FAM234B: variants seen among roughly 807,000 people sequenced by gnomAD.
FAM234B encodes protein FAM234B.
Under a neutral mutation model 69.3 loss-of-function variants are expected in FAM234B, and 33 were observed. The ratio of observed to expected loss-of-function variants is 0.48; its 90% CI spans 0.36 to 0.64. FAM234B has a LOEUF of 0.64. Ranked by LOEUF, FAM234B falls within the 30% of genes least tolerant of loss-of-function variation. The pLI is 0.00. For synonymous variants in FAM234B, 306 were observed against 306.9 expected, an observed-to-expected ratio of 1.00 and a Z score of 0.03; for missense variants, 697 against 769.7, an observed-to-expected ratio of 0.91 and a Z score of 1.12.
At chr12:13,080,141 AC>A in intron 12 of FAM234B, 132 bp downstream of exon 12, 1 of 648,876 alleles carries the variant, frequency 1.5e-6, no homozygotes, top group Non-Finnish European at 2.6e-6. Flanking sequence ...GTTGTTTTGG[AC>A]CAACACTGTT....
chr12:13,073,817 G>T (rs1209788103), intron 10 of FAM234B, among the ~76,000 whole-genome samples: 1 of 152,154 alleles, frequency 6.6e-6, no homozygotes, highest in African/African-American at 2.4e-5. Context: ...TTCAGTTAGG[G>T]CATGAACAAG....
At position 13,055,686 on chromosome 12, in the gene FAM234B, C is replaced by T. The variant is rs1864920731; in HGVS notation, c.173C>T (p.Pro58Leu). The T allele has an allele frequency of 6.2e-7, 1 of 1,614,210 alleles. No individual in the cohort carries two copies. Among genetic ancestry groups the T allele is most frequent in the Non-Finnish European group, 8.5e-7 (1 of 1,180,034 alleles). Residue 58 changes from proline (P) to leucine (L), a missense_variant, in exon 2 of 13, where the codon CCA (proline) becomes CTA (leucine). Around this residue, in one of 3 missense-constraint regions of FAM234B, gnomAD observed 380 missense variants for 447.1 expected, o/e 0.85. Transcript: ENST00000197268. ...GGGAAGAGTCCTTTGGGAGAAGCGC[C>T]AGAACCCGACTCAGATGCTGAGGTT... ...KNGKSPLGEA[P>L]EPDSDAEVAE...
chr12:13,063,684 A>G (rs768636102), intron 5 of FAM234B, among the ~76,000 whole-genome samples: 1 of 152,198 alleles, frequency 6.6e-6, no homozygotes, highest in African/African-American at 2.4e-5. Context: ...CTTTCCCCCA[A>G]ATCACAGGAA....
At chr12:13,076,176 G>T (rs564192851) in intron 11 of FAM234B, 33 bp downstream of exon 11, 1 of 1,453,664 alleles carries the variant, frequency 6.9e-7, no homozygotes, top group South Asian at 1.1e-5. Context: ...GTCTGTGTAC[G>T]CAGATGGTGG....
intron 5 of FAM234B, among the ~76,000 whole-genome samples, chr12:13,065,662 C>G (rs1375656648): frequency 6.6e-6 from 1 of 151,558 alleles, no homozygotes; most frequent in East Asian, 1.9e-4. Flanking sequence ...TTGTCATATG[C>G]CATATTAGCT....
intron 1 of FAM234B, 109 bp from the exon 2 acceptor site, chr12:13,055,442 T>A: frequency 8.9e-7 from 1 of 1,123,138 alleles, no homozygotes; most frequent in Non-Finnish European, 1.2e-6. Flanking sequence ...AACCTGGATT[T>A]TTTTGTTTTA....
intron 3 of FAM234B, 47 bp downstream of exon 3, chr12:13,058,596 T>C (rs1183737356): frequency 6.7e-7 from 1 of 1,502,422 alleles, no homozygotes; most frequent in South Asian, 1.1e-5. Flanking sequence ...CACTGTCAGC[T>C]AGGAGAAAAC....
At position 13,071,262 on chromosome 12, in the gene FAM234B, T is replaced by C. The variant is rs149459537; in HGVS notation, c.1390T>C (p.Ser464Pro). 10 of 1,614,092 alleles carry C rather than the reference T, an allele frequency of 6.2e-6. No individual in the cohort carries two copies. The change falls in exon 10 of 13, where the codon TCT becomes CCT. Residue 464 changes from serine (S) to proline (P), a missense_variant. Physicochemically the swap from Ser to Pro is moderately conservative, Grantham distance 74 (BLOSUM62 -1). Transcript: ENST00000197268. The stretch of plus-strand genomic sequence containing the variant: ...GTAGATGATGGTTGTGGATGGTGAC[T>C]CTGGCTCCATTGTTTGGAGTTACCG... ...MKKMMVVDGD[S>P]GSIVWSYRAP... is the part of the protein sequence containing the mutation.
rs776937703 is a variant in FAM234B at position 13,068,451 on chromosome 12, T to G, written c.1286+4T>G. 2.5e-6 allele frequency: 4 copies of G among 1,613,842 alleles called. No homozygotes were observed. The highest frequency in any genetic ancestry group is 3.4e-6 in the Non-Finnish European group (4 of 1,179,856). ...TGAGACTTCAAGGCCTGCGCAGGTT[T>G]GCATTGTGTTCCTTCTTGTGTTTGC... On this transcript the variant is annotated splice_donor_region_variant and intron_variant, in intron 8 of 12. Coordinates refer to ENST00000197268, the MANE Select transcript of FAM234B (RefSeq NM_020853.2).
intron 1 of FAM234B, among the ~76,000 whole-genome samples, chr12:13,045,850 G>C (rs1864804997): frequency 6.7e-6 from 1 of 150,358 alleles, no homozygotes; most frequent in African/African-American, 2.5e-5. Context: ...TTTTCTTTTA[G>C]AGTCCTTTTT....
At chr12:13,077,339 AT>A (rs1264290224) in intron 11 of FAM234B, among the ~76,000 whole-genome samples, 1 of 151,782 alleles carries the variant, frequency 6.6e-6, no homozygotes, top group Non-Finnish European at 1.5e-5. Flanking sequence ...TTACATATGT[AT>A]ACATGTGCCA....
intron 9 of FAM234B, among the ~76,000 whole-genome samples, chr12:13,070,622 A>G (rs1479779393): frequency 6.6e-6 from 1 of 151,652 alleles, no homozygotes; most frequent in East Asian, 1.9e-4. Context: ...ATGAATTTGA[A>G]CCCCTTTGTC....
chr12:13,061,191 T>C (rs1864978904), intron 3 of FAM234B, among the ~76,000 whole-genome samples: 1 of 152,220 alleles, frequency 6.6e-6, no homozygotes, highest in Admixed American at 6.5e-5. Flanking sequence ...TTGATTTTGC[T>C]CCTGTCTCTT....
At chr12:13,073,492 C>G (rs1337578185) in intron 10 of FAM234B, among the ~76,000 whole-genome samples, 2 of 152,294 alleles carry the variant, frequency 1.3e-5, no homozygotes, top group South Asian at 2.1e-4. Context: ...TCCACTTTTT[C>G]TTGGACTGGA....
chr12:13,047,476 A>G (rs1448297525), intron 1 of FAM234B, among the ~76,000 whole-genome samples: 3 of 152,176 alleles, frequency 2.0e-5, no homozygotes, highest in Non-Finnish European at 4.4e-5. Flanking sequence ...AGTGTATACT[A>G]TAGTATAGTA....
chr12:13,053,397 G>A (rs561026376), intron 1 of FAM234B, among the ~76,000 whole-genome samples: 19 of 151,972 alleles, frequency 1.3e-4, no homozygotes, highest in South Asian at 2.1e-4. Context: ...ATATTTCAAC[G>A]TAGGTTCTTT....
chr12:13,081,451 G>T lies in FAM234B; in HGVS notation c.*821G>T, dbSNP rs905670407. 1 of 152,300 alleles carries T rather than the reference G, an allele frequency of 6.6e-6. No individual in the cohort carries two copies. Among genetic ancestry groups the T allele is most frequent in the Non-Finnish European group, 1.5e-5 (1 of 68,060 alleles). 9.4% of individuals were successfully genotyped at this position (152,300 alleles called of 1,614,324 possible). ...TGATCTTTTTTCTGTGGCGACATCA[G>T]AAGTGTATGTTTGCATGCTGTCTTC... On this transcript the variant is annotated 3_prime_UTR_variant, in exon 13 of 13. Transcript: ENST00000197268.
At chr12:13,055,411 C>T in intron 1 of FAM234B, 140 bp from the exon 2 acceptor site, 1 of 775,006 alleles carries the variant, frequency 1.3e-6, no homozygotes, top group Non-Finnish European at 2.0e-6. Context: ...CAGATAGCCA[C>T]CAAGGTTCAA....
intron 1 of FAM234B, among the ~76,000 whole-genome samples, chr12:13,052,795 A>G (rs771064216): frequency 1.3e-5 from 2 of 152,238 alleles, no homozygotes; most frequent in Non-Finnish European, 2.9e-5. Flanking sequence ...GCTGAATAAT[A>G]TTCCATGGTA....
Sources: allele counts gnomAD v4.1 joint callset (sites outside exome capture counted in the v4.1 genomes callset), GRCh38; gene constraint gnomAD v4.1.1; regional missense constraint gnomAD v4.1.1; transcripts MANE v1.5; gene names NCBI Gene and HGNC (gene_info 2026-07-23, HGNC 2026-07-21).